The following CFAP43 variants were observed in gnomAD, a reference collection of about 807,000 sequenced individuals.
CFAP43 encodes cilia- and flagella-associated protein 43.
CFAP43 carries 155 observed loss-of-function variants against 218.9 expected under a neutral mutation model. That is an observed-to-expected ratio of 0.71 (90% CI 0.62 to 0.81). The LOEUF (loss-of-function observed/expected upper bound fraction) is 0.81. CFAP43 is among the 30% of genes least tolerant of loss of function. The pLI, the probability that CFAP43 is intolerant of heterozygous loss-of-function variation, is 0.00. For missense variants in CFAP43, 1,778 were observed against 1,954.3 expected, an observed-to-expected ratio of 0.91 and a Z score of 1.70; for synonymous variants, 645 against 681.3, an observed-to-expected ratio of 0.95 and a Z score of 0.83.
At chr10:104,161,889 A>T (rs556375668) in intron 26 of CFAP43, 72 bp downstream of exon 26, 298 of 1,438,656 alleles carry the variant, frequency 2.1e-4, no homozygotes, top group Non-Finnish European at 2.7e-4. Context: ...TTTATATAGG[A>T]CAAAAATGGT....
At chr10:104,188,495 T>C (rs2090105143) in intron 12 of CFAP43, 85 bp from the exon 13 acceptor site, 3 of 1,498,298 alleles carry the variant, frequency 2.0e-6, no homozygotes, top group Non-Finnish European at 2.7e-6. Flanking sequence ...ATATCATCCA[T>C]GGACTTGCCT....
chr10:104,165,745 G>A (rs1461238906), intron 23 of CFAP43, among the ~76,000 whole-genome samples: 1 of 152,140 alleles, frequency 6.6e-6, no homozygotes, highest in Non-Finnish European at 1.5e-5. Flanking sequence ...CCTTGTCCTC[G>A]AACCCCAGAA....
rs1251007664 is a variant in CFAP43 at position 104,168,868 on chromosome 10, G to T, written c.2587-20C>A. ...TATCATCTTGAAGAACACAGACAAA[G>T]GGAAAAGATAAAAATGAAAGTGTGG... is the stretch of plus-strand genomic sequence containing the variant. On this transcript the variant is annotated intron_variant, in intron 20 of 37. Coordinates refer to ENST00000357060, the MANE Select transcript of CFAP43 (RefSeq NM_025145.7). 1.3e-6 allele frequency: 2 copies of T among 1,574,226 alleles called. No individual in the cohort carries two copies.
At chr10:104,140,815 T>TAAAAA in intron 34 of CFAP43, 27 bp downstream of exon 34, 1 of 1,546,726 alleles carries the variant, frequency 6.5e-7, no homozygotes, top group Non-Finnish European at 8.7e-7. Flanking sequence ...GACCTTGAAT[T>TAAAAA]AAAATAAAAA....
chr10:104,157,275 G>C (rs2088599350), intron 27 of CFAP43, among the ~76,000 whole-genome samples: 1 of 152,164 alleles, frequency 6.6e-6, no homozygotes, highest in South Asian at 2.1e-4. Flanking sequence ...TCTACAGAGA[G>C]GGCAATGTGC....
At chr10:104,131,828 T>C (rs1302308763) in intron 36 of CFAP43, among the ~76,000 whole-genome samples, 1 of 152,186 alleles carries the variant, frequency 6.6e-6, no homozygotes, top group East Asian at 1.9e-4. Flanking sequence ...AAGGAAAGAC[T>C]ACCAACACTC....
chr10:104,179,998 A>T, intron 17 of CFAP43, 66 bp from the exon 18 acceptor site: 1 of 1,217,242 alleles, frequency 8.2e-7, no homozygotes, highest in East Asian at 2.4e-5. Context: ...TTCCCCTCCC[A>T]CCCTACCACA....
At chr10:104,206,190 G>C (rs1305966602) in intron 6 of CFAP43, among the ~76,000 whole-genome samples, 160 bp from the exon 7 acceptor site, 1 of 152,202 alleles carries the variant, frequency 6.6e-6, no homozygotes, top group African/African-American at 2.4e-5. Context: ...AGATTAGAGA[G>C]AGGAGCAAGG....
Position 104,182,496 on chromosome 10 carries a change from A to C in CFAP43, c.2159T>G (p.Leu720Arg). The change falls in exon 17 of 38, where the codon CTA becomes CGA. Residue 720 changes from leucine (L) to arginine (R), a missense_variant. Leu to Arg is a moderately radical substitution (Grantham distance 102). Coordinates refer to ENST00000357060, the MANE Select transcript of CFAP43 (RefSeq NM_025145.7). ...YLKWKRFGGH[L>R]ASEILDYYQK... The stretch of plus-strand genomic sequence containing the variant: ...GTAATAGTCCAGAATTTCACTGGCT[A>C]GGTGTCCTCCAAATCGCCTATATTA... The C allele has an allele frequency of 6.3e-7, 1 of 1,599,912 alleles. No homozygotes were observed. The highest frequency in any genetic ancestry group is 8.5e-7 in the Non-Finnish European group (1 of 1,176,138).
chr10:104,180,373 T>G (rs2089787868), intron 17 of CFAP43, among the ~76,000 whole-genome samples: 1 of 152,070 alleles, frequency 6.6e-6, no homozygotes, highest in African/African-American at 2.4e-5. Context: ...CCAAACATGC[T>G]CTACTATCTC....
chr10:104,134,834 T>C (rs1045247385), intron 34 of CFAP43, among the ~76,000 whole-genome samples: 1 of 152,142 alleles, frequency 6.6e-6, no homozygotes, highest in Non-Finnish European at 1.5e-5. Context: ...TACTCAAATG[T>C]TTCCAAAAAA....
chr10:104,152,399 G>A (rs903598930), intron 28 of CFAP43, among the ~76,000 whole-genome samples: 2 of 152,120 alleles, frequency 1.3e-5, no homozygotes, highest in Non-Finnish European at 2.9e-5. Context: ...AGAGGCATGA[G>A]GAGGGAGGGT....
intron 11 of CFAP43, 83 bp from the exon 12 acceptor site, chr10:104,192,385 A>G: frequency 9.8e-7 from 1 of 1,021,848 alleles, no homozygotes; most frequent in Non-Finnish European, 1.5e-6. Flanking sequence ...GGCCACAGAG[A>G]TATGTTCAAA....
intron 10 of CFAP43, among the ~76,000 whole-genome samples, chr10:104,194,505 G>A (rs1422216474): frequency 6.6e-6 from 1 of 152,100 alleles, no homozygotes; most frequent in African/African-American, 2.4e-5. Context: ...GAGTCGCTGG[G>A]ATTACAGGTT....
At chr10:104,220,280 A>G in intron 3 of CFAP43, among the ~76,000 whole-genome samples, 1 of 152,146 alleles carries the variant, frequency 6.6e-6, no homozygotes, top group South Asian at 2.1e-4. Context: ...TCAGAATTCT[A>G]GTCTCCAGAA....
At chr10:104,184,703 A>G (rs985527846) in intron 16 of CFAP43, among the ~76,000 whole-genome samples, 1 of 152,064 alleles carries the variant, frequency 6.6e-6, no homozygotes, top group Non-Finnish European at 1.5e-5. Flanking sequence ...GCCAGCTCCT[A>G]TGCCTCAGAA....
At chr10:104,190,090 C>A (rs2090160500) in intron 12 of CFAP43, among the ~76,000 whole-genome samples, 1 of 139,688 alleles carries the variant, frequency 7.2e-6, no homozygotes, top group Admixed American at 7.7e-5. Context: ...GAGCCAAGAT[C>A]ACGCCACTGC....
At chr10:104,143,391 C>T in intron 32 of CFAP43, 35 bp downstream of exon 32, 2 of 1,553,160 alleles carry the variant, frequency 1.3e-6, no homozygotes, top group Non-Finnish European at 8.8e-7. Flanking sequence ...GATATTAGTA[C>T]ACTAAAAATT....
At position 104,152,698 on chromosome 10, in the gene CFAP43, T is replaced by A. The variant is rs1334590230; in HGVS notation, c.3569A>T (p.Gln1190Leu). 6.2e-7 allele frequency: 1 copy of A among 1,612,636 alleles called. No individual in the cohort carries two copies. The highest frequency in any genetic ancestry group is 2.2e-5 in the East Asian group (1 of 44,890). Residue 1190 changes from glutamine to leucine, a missense_variant, in exon 28 of 38, where the codon CAA becomes CTA. Coordinates refer to ENST00000357060, the MANE Select transcript of CFAP43 (RefSeq NM_025145.7). ...CTGTGTGCTTTCTTGAATAGAGTTT[T>A]GAAGTTTCTTCAGTTCTGCTTCTAA... ...KSLEAELKKL[Q>L]NSIQESTQAF...
Sources: gnomAD v4.1 joint callset for allele counts (sites outside exome capture counted in the v4.1 genomes callset) on GRCh38, gnomAD v4.1.1 for gene constraint, MANE v1.5 for transcripts, NCBI Gene and HGNC (gene_info 2026-07-23, HGNC 2026-07-21) for gene names.